BTD: variants seen among roughly 807,000 people sequenced by gnomAD.
The protein encoded by BTD is biocytinase.
A neutral mutation model predicts 17.7 loss-of-function variants in BTD; 13 were observed. The observed-to-expected ratio is 0.74, with a 90% CI of 0.48 to 1.17. The LOEUF (loss-of-function observed/expected upper bound fraction) is 1.17. Ranked by LOEUF, BTD falls within the 50% of genes most tolerant of loss-of-function variation. BTD has a pLI of 0.00. For missense variants in BTD, 674 were observed against 650.4 expected (o/e 1.04, Z -0.39); for synonymous variants, 240 against 245.2 (o/e 0.98, Z 0.20).
At chr3:15,620,146 T>C (rs1466856701) in intron 1 of BTD, among the ~76,000 whole-genome samples, 2 of 152,124 alleles carry the variant, frequency 1.3e-5, no homozygotes. Context: ...TTGATAAACA[T>C]CTTAAACAAC....
chr3:15,621,758 C>G (rs1307772581), intron 1 of BTD, among the ~76,000 whole-genome samples: 1 of 152,058 alleles, frequency 6.6e-6, no homozygotes, highest in African/African-American at 2.4e-5. Flanking sequence ...CACCACCACG[C>G]CTGGCTAATT....
intron 1 of BTD, among the ~76,000 whole-genome samples, chr3:15,618,081 G>A (rs1218706070): frequency 6.6e-6 from 1 of 152,170 alleles, no homozygotes; most frequent in African/African-American, 2.4e-5. Context: ...TCCATCTGCT[G>A]AATAGCCAGG....
rs953529431 is a variant in BTD, at chr3:15,667,839, T to C, written c.399+25782T>C. 1.1e-4 allele frequency: 16 copies of C among 152,218 alleles called. 1 individual carries two copies. Among genetic ancestry groups the C allele is most frequent in the Admixed American group, 2.0e-4 (3 of 15,280 alleles). The allele number at this position is 152,218 out of a possible 1,614,324, so 9.4% of individuals were successfully genotyped here. The stretch of plus-strand genomic sequence containing the variant: ...ACATATAAGTGATGCAGGATAGAAG[T>C]TCTGGTGTATGTGATAAATTAAAAA... On this transcript the variant is annotated intron_variant, in intron 3 of 3. Coordinates refer to the BTD transcript ENST00000672141.
rs2065450971 is a variant in BTD, at chr3:15,639,852, G to GT, written c.250-2055dup. On this transcript the variant is annotated intron_variant, in intron 2 of 3. Coordinates refer to ENST00000643237, the MANE Select transcript of BTD (RefSeq NM_001370658.1). ...AGGCCAGGTGCTGTGGCTCATGCCT[G>GT]TAATCCCAGCATTTTGGGGGTCCAA... is the stretch of plus-strand genomic sequence containing the variant. Among the ~76,000 whole-genome samples, 3 of 152,194 alleles carry GT rather than the reference G, an allele frequency of 2.0e-5. No individual in the cohort carries two copies. In the South Asian group the frequency reaches 6.2e-4, roughly 31 times the overall value.
intron 2 of BTD, among the ~76,000 whole-genome samples, chr3:15,641,194 C>A (rs2065493732): frequency 6.6e-6 from 1 of 152,148 alleles, no homozygotes; most frequent in African/African-American, 2.4e-5. Context: ...TGGGAAAAGG[C>A]CTTTAGGGTG....
chr3:15,644,706 A>G lies in BTD; in HGVS notation c.790A>G (p.Ile264Val). 6.2e-7 allele frequency: 1 copy of G among 1,614,162 alleles called. No individual in the cohort carries two copies. The highest frequency in any genetic ancestry group is 8.5e-7 in the Non-Finnish European group (1 of 1,180,046). ...NQLPLLAAIE[I>V]QKAFAVAFGI... is the part of the protein sequence containing the mutation. ...GCTCCCACTCTTGGCAGCAATTGAG[A>G]TTCAGAAAGCTTTTGCTGTTGCCTT... Residue 264 changes from isoleucine to valine, a missense_variant, in exon 4 of 4, where the codon ATT becomes GTT. By Grantham distance (29) the Ile-to-Val change is conservative. Transcript: ENST00000643237.
chr3:15,656,068 G>A (rs2065868372), downstream of BTD, among the ~76,000 whole-genome samples: 1 of 152,190 alleles, frequency 6.6e-6, no homozygotes, highest in African/African-American at 2.4e-5. Context: ...CTCCCAAAGT[G>A]CTGGGATTAC....
At chr3:15,604,581 C>G (rs1278764693) in intron 1 of BTD, among the ~76,000 whole-genome samples, 1 of 152,244 alleles carries the variant, frequency 6.6e-6, no homozygotes, top group Non-Finnish European at 1.5e-5. Flanking sequence ...ATGCAAATTT[C>G]TGCTGCCAGC....
chr3:15,683,224 C>T (rs529755993), intron 3 of BTD, among the ~76,000 whole-genome samples: 5 of 152,156 alleles, frequency 3.3e-5, no homozygotes, highest in Non-Finnish European at 5.9e-5. Flanking sequence ...TAAGTCTTTG[C>T]TTCTGAACAG....
chr3:15,690,238 T>C (rs2068618406), intron 3 of BTD: 2 of 1,539,532 alleles, frequency 1.3e-6, no homozygotes, highest in Non-Finnish European at 1.8e-6. Flanking sequence ...TAAATAAAAA[T>C]GTAAATTTAA....
At chr3:15,665,002 C>A (rs1409819530) in intron 3 of BTD, among the ~76,000 whole-genome samples, 2 of 152,060 alleles carry the variant, frequency 1.3e-5, no homozygotes, top group African/African-American at 2.4e-5. Context: ...TTCCCTTGAT[C>A]ATAAAATGTT....
At chr3:15,715,318 T>C (rs1169553410), downstream of BTD, among the ~76,000 whole-genome samples, 1 of 152,208 alleles carries the variant, frequency 6.6e-6, no homozygotes, top group Non-Finnish European at 1.5e-5. Context: ...CTTAGCAGCT[T>C]CCTAATCTCA....
intron 3 of BTD, chr3:15,667,693 AG>A (rs2066053552): frequency 6.6e-6 from 1 of 152,006 alleles, no homozygotes; most frequent in Admixed American, 6.5e-5. Context: ...TGCAGACCAA[AG>A]GAAGTGGTTA....
At chr3:15,642,084 G>A in intron 3 of BTD, 27 bp downstream of exon 3, 1 of 1,613,350 alleles carries the variant, frequency 6.2e-7, no homozygotes, top group Non-Finnish European at 8.5e-7. Context: ...TCCTCAGTAG[G>A]CTGAGGGTAC....
rs115611514 is a variant in BTD at position 15,604,107 on chromosome 3, G to A, written c.-17+2213G>A. On this transcript the variant is annotated intron_variant, in intron 1 of 3. Coordinates refer to ENST00000643237, the MANE Select transcript of BTD (RefSeq NM_001370658.1). ...GTTCCACCAGCAGTGCCCCAGGAGG[G>A]ACTCTGTATGGGGGCTCCCACCCCA... is the stretch of plus-strand genomic sequence containing the variant. 3.8e-3 allele frequency among the ~76,000 whole-genome samples: 582 copies of A among 152,358 alleles called. 1 individual carries two copies. Among genetic ancestry groups the A allele is most frequent in the Non-Finnish European group, 6.7e-3 (455 of 68,034 alleles).
At chr3:15,634,337 T>C (rs904574551) in intron 1 of BTD, among the ~76,000 whole-genome samples, 2 of 152,212 alleles carry the variant, frequency 1.3e-5, no homozygotes, top group African/African-American at 4.8e-5. Flanking sequence ...TCCGGATTCC[T>C]GGGCAGTTGT....
At chr3:15,607,524 G>A (rs1033300414) in intron 1 of BTD, among the ~76,000 whole-genome samples, 2 of 152,200 alleles carry the variant, frequency 1.3e-5, no homozygotes, top group Non-Finnish European at 2.9e-5. Context: ...AACTCTTAAA[G>A]CCCCCAAATT....
chr3:15,671,239 G>A lies in BTD; in HGVS notation c.399+29182G>A, dbSNP rs541596093. Among the ~76,000 whole-genome samples, 21 of 152,074 alleles carry A rather than the reference G, an allele frequency of 1.4e-4. No individual in the cohort carries two copies. In the South Asian group the frequency reaches 1.5e-3, roughly 11 times the overall value. On this transcript the variant is annotated intron_variant, in intron 3 of 3. Coordinates refer to the BTD transcript ENST00000672141. ...AAGCGGAAGACAACTGACCTTAGTC[G>A]TAAGTTACCACAAAGTGTCAACACA...
intron 3 of BTD, among the ~76,000 whole-genome samples, chr3:15,662,260 T>C (rs1185973151): frequency 6.6e-6 from 1 of 152,256 alleles, no homozygotes; most frequent in Non-Finnish European, 1.5e-5. Flanking sequence ...GGACTATCTC[T>C]GCATTTATTT....
Sources: gnomAD v4.1 joint callset for allele counts (sites outside exome capture counted in the v4.1 genomes callset) on GRCh38, gnomAD v4.1.1 for gene constraint, MANE v1.5 for transcripts, NCBI Gene and HGNC (gene_info 2026-07-23, HGNC 2026-07-21) for gene names.